The following PHACTR2 variants were observed in gnomAD, a reference collection of about 807,000 sequenced individuals.
PHACTR2 encodes chromosome 6 open reading frame 56.
A neutral mutation model predicts 76.0 loss-of-function variants in PHACTR2; 30 were observed. That is an observed-to-expected ratio of 0.39 (90% confidence interval 0.30 to 0.54). PHACTR2 has a LOEUF of 0.54. Ranked by LOEUF, PHACTR2 falls within the 20% of genes least tolerant of loss-of-function variation. The pLI, the probability that PHACTR2 is intolerant of heterozygous loss-of-function variation, is 0.61. For missense variants in PHACTR2, 696 were observed against 781.1 expected, an observed-to-expected ratio of 0.89 and a Z score of 1.30; for synonymous variants, 292 against 292.5, an observed-to-expected ratio of 1.00 and a Z score of 0.02.
At position 143,772,370 on chromosome 6, in the gene PHACTR2, T is replaced by C. The variant is rs907301236; in HGVS notation, c.1345T>C (p.Tyr449His). ...SASEDEGHRE[Y>H]QANDSDSDGP... ...CTCAGAAGATGAAGGCCACAGGGAA[T>C]ACCAAGCCAATGACTCTGACTCGGA... Residue 449 changes from tyrosine (Y) to histidine (H), a missense_variant, in exon 7 of 13, where the codon TAC becomes CAC. Coordinates refer to ENST00000440869, the MANE Select transcript of PHACTR2 (RefSeq NM_001100164.2). The surrounding 1 kb of genome is among the most constrained non-coding windows in gnomAD (Gnocchi z 5.4). The C allele has an allele frequency of 2.5e-6, 4 of 1,613,954 alleles. No homozygotes were observed. The highest frequency in any genetic ancestry group is 3.4e-6 in the Non-Finnish European group (4 of 1,179,968).
chr6:143,709,055 T>C lies in PHACTR2; in HGVS notation c.47-2961T>C, dbSNP rs1778112034. On this transcript the variant is annotated intron_variant, in intron 1 of 12. Transcript: ENST00000440869. This position sits in a 1 kb window ranked among gnomAD's most constrained non-coding sequence, Gnocchi z 4.4. ...ATGAGAGTTCAGCACAAAGTCTTCATGAAGAAGTAAAACCATACTCTCAGT... is the reference window on the plus strand; with the variant it reads ...ATGAGAGTTCAGCACAAAGTCTTCACGAAGAAGTAAAACCATACTCTCAGT... 6.6e-6 allele frequency among the ~76,000 whole-genome samples: 1 copy of C among 152,212 alleles called. No homozygotes were observed. Among genetic ancestry groups the C allele is most frequent in the South Asian group, 2.1e-4 (1 of 4,836 alleles).
chr6:143,725,521 C>T (rs980709501), intron 2 of PHACTR2, among the ~76,000 whole-genome samples: 15 of 151,698 alleles, frequency 9.9e-5, no homozygotes, highest in Admixed American at 2.6e-4. Flanking sequence ...TTTATAGTCA[C>T]GCCTTCCCAA....
rs531398704 is a variant in PHACTR2, at chr6:143,562,274, C to T, written c.217+25067C>T. On this transcript the variant is annotated intron_variant, in intron 1 of 11. Transcript: ENST00000367584. The surrounding 1 kb of genome is among the most constrained non-coding windows in gnomAD (Gnocchi z 5.1). Reference sequence around the variant, plus strand: ...TTAGCTCACAGTTCTGCAGGCTGTACAGGAAGCACGGTGCTGGCATCTGCT... The same window carrying T: ...TTAGCTCACAGTTCTGCAGGCTGTATAGGAAGCACGGTGCTGGCATCTGCT... 6.6e-6 allele frequency among the ~76,000 whole-genome samples: 1 copy of T among 152,228 alleles called. No homozygotes were observed. The highest frequency in any genetic ancestry group is 2.1e-4 in the South Asian group (1 of 4,818).
In PHACTR2 at chr6:143,678,215, T is replaced by A. The variant is rs1490347337; in HGVS notation, c.46+6T>A. The A allele has an allele frequency of 6.6e-7, 1 of 1,503,980 alleles. No individual in the cohort carries two copies. The highest frequency in any genetic ancestry group is 1.3e-5 in the South Asian group (1 of 79,918). The allele number at this position is 1,503,980 out of a possible 1,614,324, so 93.2% of individuals were successfully genotyped here. ...GTCCCCGCAGCCCGGCAGCGGTGAG[T>A]CCGGGGCGCACGCGATGCGCTCCCG... On this transcript the variant is annotated splice_donor_region_variant and intron_variant, in intron 1 of 12. Coordinates refer to ENST00000440869, the MANE Select transcript of PHACTR2 (RefSeq NM_001100164.2). This position sits in a 1 kb window ranked among gnomAD's most constrained non-coding sequence, Gnocchi z 6.2.
In PHACTR2 at chr6:143,765,452, A is replaced by G. The variant is rs376139373; in HGVS notation, c.886A>G (p.Thr296Ala). The change falls in exon 6 of 13, where the codon ACT becomes GCT. Residue 296 changes from threonine (T) to alanine (A), a missense_variant. This residue lies in a region of PHACTR2 where 460 missense variants were observed against 450.9 expected (regional missense o/e 1.02). Transcript: ENST00000440869. The surrounding 1 kb of genome is among the most constrained non-coding windows in gnomAD (Gnocchi z 4.1). ...TTCTCACCTGTCCTCAGACACAACA[A>G]CTTCTGGCACATCCGACCTGAAAGG... The part of the protein sequence containing the change: ...ITSHLSSDTT[T>A]SGTSDLKGEP... 3 of 1,614,044 alleles carry G rather than the reference A, an allele frequency of 1.9e-6. No homozygotes were observed. Among genetic ancestry groups the G allele is most frequent in the African/African-American group, 2.7e-5 (2 of 74,906 alleles).
rs923995421 is a variant in PHACTR2 at position 143,753,333 on chromosome 6, A to G, written c.296-421A>G. Among the ~76,000 whole-genome samples the G allele has an allele frequency of 6.6e-6, 1 of 152,292 alleles. No individual in the cohort carries two copies. The highest frequency in any genetic ancestry group is 2.4e-5 in the African/African-American group (1 of 41,576). On this transcript the variant is annotated intron_variant, in intron 3 of 12. Transcript: ENST00000440869. The surrounding 1 kb of genome is among the most constrained non-coding windows in gnomAD (Gnocchi z 4.6). The stretch of plus-strand genomic sequence containing the variant: ...TTGTTTGTATGTGTAATTACATTTC[A>G]TGTTATTTGTGTATTTGCATTCACC...
At chr6:143,752,059 C>G (rs1037542134) in intron 3 of PHACTR2, among the ~76,000 whole-genome samples, 4 of 152,054 alleles carry the variant, frequency 2.6e-5, no homozygotes, top group East Asian at 1.9e-4. Flanking sequence ...CTATTTCTCT[C>G]TATCATAGGA....
rs1474230789 is a variant in PHACTR2 at position 143,602,164 on chromosome 6, T to C, written c.217+64957T>C. The stretch of plus-strand genomic sequence containing the variant: ...TCACTCTCGCTCTCCCCCTCCCTAA[T>C]AGTTTTATGGTTTTGAAGTCATCTC... On this transcript the variant is annotated intron_variant, in intron 1 of 11. Transcript: ENST00000367584. The surrounding 1 kb of genome is among the most constrained non-coding windows in gnomAD (Gnocchi z 6.1). Among the ~76,000 whole-genome samples, 1 of 152,188 alleles carries C rather than the reference T, an allele frequency of 6.6e-6. No homozygotes were observed. Among genetic ancestry groups the C allele is most frequent in the Non-Finnish European group, 1.5e-5 (1 of 68,032 alleles).
In PHACTR2 at chr6:143,716,498, G is replaced by A. The variant is rs60095232; in HGVS notation, c.214+4315G>A. Among the ~76,000 whole-genome samples the A allele has an allele frequency of 8.4e-3, 1,285 of 152,214 alleles. 26 individuals carry two copies. Among genetic ancestry groups the A allele is most frequent in the African/African-American group, 0.03 (1,230 of 41,514 alleles). On this transcript the variant is annotated intron_variant, in intron 2 of 12. Coordinates refer to ENST00000440869, the MANE Select transcript of PHACTR2 (RefSeq NM_001100164.2). ...ACGCCACGATGCCCAGTTAATTTTT[G>A]TACTTTTCTGCTGTACTTTTAGTAG...
chr6:143,546,856 TC>T lies in PHACTR2; in HGVS notation c.217+9650del. On this transcript the variant is annotated intron_variant, in intron 1 of 11. Coordinates refer to the PHACTR2 transcript ENST00000367584. The surrounding 1 kb of genome is among the most constrained non-coding windows in gnomAD (Gnocchi z 4.9). ...GCCTGGGCAACATAGTGAGACCCCA[TC>T]TCAAAAAAAAAAAAAATAAAAAATA... Among the ~76,000 whole-genome samples, 3 of 93,568 alleles carry T rather than the reference TC, an allele frequency of 3.2e-5. No homozygotes were observed. Among genetic ancestry groups the T allele is most frequent in the Non-Finnish European group, 7.1e-5 (3 of 42,402 alleles). The allele number at this position is 93,568 out of a possible 152,430, so 61.4% of individuals were successfully genotyped here.
rs1776908975 is a variant in PHACTR2 at position 143,659,461 on chromosome 6, G to A, written c.13+51139G>A. Among the ~76,000 whole-genome samples the A allele has an allele frequency of 1.3e-5, 2 of 152,218 alleles. No individual in the cohort carries two copies. The highest frequency in any genetic ancestry group is 1.3e-4 in the Admixed American group (2 of 15,286). On this transcript the variant is annotated intron_variant, in intron 1 of 11. Coordinates refer to the PHACTR2 transcript ENST00000305766. The surrounding 1 kb of genome is among the most constrained non-coding windows in gnomAD (Gnocchi z 5.0). ...TGACTGAGGAAGGATACACCTGGAA[G>A]TGCATGTGGTCACTGGGCAGCACGC...
At chr6:143,628,767 G>A (rs867209393) in intron 1 of PHACTR2, among the ~76,000 whole-genome samples, 36 of 151,792 alleles carry the variant, frequency 2.4e-4, no homozygotes, top group African/African-American at 8.5e-4. Flanking sequence ...GGTGGGGGAA[G>A]AGGGAGATCA....
rs1562285866 is a variant in PHACTR2, at chr6:143,731,734, C to T, written c.215-17251C>T. Among the ~76,000 whole-genome samples the T allele has an allele frequency of 6.6e-6, 1 of 152,208 alleles. No homozygotes were observed. The highest frequency in any genetic ancestry group is 1.5e-5 in the Non-Finnish European group (1 of 68,036). On this transcript the variant is annotated intron_variant, in intron 2 of 12. Coordinates refer to ENST00000440869, the MANE Select transcript of PHACTR2 (RefSeq NM_001100164.2). The surrounding 1 kb of genome is among the most constrained non-coding windows in gnomAD (Gnocchi z 4.9). ...ATATCAGGGCAACACCAACTTTATA[C>T]AATCAGTTGGCAACTGTTCCCTCCT... is the stretch of plus-strand genomic sequence containing the variant.
Position 143,678,242 on chromosome 6 carries a change from C to T in PHACTR2, c.46+33C>T. The T allele has an allele frequency of 1.4e-6, 2 of 1,460,558 alleles. No homozygotes were observed. Among genetic ancestry groups the T allele is most frequent in the Non-Finnish European group, 1.8e-6 (2 of 1,107,730 alleles). The allele number at this position is 1,460,558 out of a possible 1,614,324, so 90.5% of individuals were successfully genotyped here. A position where few individuals can be genotyped will look rare whatever the true frequency, so the allele number is the denominator to read the frequency against. ...CGGGGCGCACGCGATGCGCTCCCGC[C>T]GCGCGGGCGCAGGGCTGGCGGCGGG... On this transcript the variant is annotated intron_variant, in intron 1 of 12. Coordinates refer to ENST00000440869, the MANE Select transcript of PHACTR2 (RefSeq NM_001100164.2). The surrounding 1 kb of genome is among the most constrained non-coding windows in gnomAD (Gnocchi z 6.2).
chr6:143,666,003 C>G (rs1229684782), intron 1 of PHACTR2, among the ~76,000 whole-genome samples: 4 of 152,014 alleles, frequency 2.6e-5, no homozygotes, highest in Non-Finnish European at 5.9e-5. Flanking sequence ...GGTATTTATC[C>G]TAATGCTATC....
At chr6:143,576,840 C>T (rs9484774) in intron 1 of PHACTR2, among the ~76,000 whole-genome samples, 91,313 of 143,236 alleles carry the variant, frequency 0.64, 28,547 homozygotes, top group Middle Eastern at 0.76. Context: ...CGTACCACTA[C>T]ACTCCAGCCT....
rs966443864 is a variant in PHACTR2, at chr6:143,639,125, T to C, written c.13+30803T>C. On this transcript the variant is annotated intron_variant, in intron 1 of 11. Transcript: ENST00000305766. This position sits in a 1 kb window ranked among gnomAD's most constrained non-coding sequence, Gnocchi z 5.0. ...ATACTTATGCATAATTTTTTAACAG[T>C]GTCCAATATTCTTCTGAATTATTTT... Among the ~76,000 whole-genome samples, 1 of 152,220 alleles carries C rather than the reference T, an allele frequency of 6.6e-6. No homozygotes were observed. Among genetic ancestry groups the C allele is most frequent in the African/African-American group, 2.4e-5 (1 of 41,454 alleles).
In PHACTR2 at chr6:143,592,955, C is replaced by T. The variant is rs141299034; in HGVS notation, c.217+55748C>T. Among the ~76,000 whole-genome samples the T allele has an allele frequency of 4.2e-4, 62 of 148,380 alleles. No homozygotes were observed. In the East Asian group the frequency reaches 0.011, roughly 27 times the overall value. On this transcript the variant is annotated intron_variant, in intron 1 of 11. Transcript: ENST00000367584. The surrounding 1 kb of genome is among the most constrained non-coding windows in gnomAD (Gnocchi z 4.0). The stretch of plus-strand genomic sequence containing the variant: ...ACTTGTGAGGGTGAGGTGGGAGGAT[C>T]GCTTGAGCCTGGGAAGTCGATACTA...
In PHACTR2 at chr6:143,618,610, G is replaced by A. The variant is rs1313067231; in HGVS notation, c.13+10288G>A. The stretch of plus-strand genomic sequence containing the variant: ...CCAGGGACTGGCAGGGGAGGCTGGG[G>A]GGGGATAGGGGTTGAATGTTTCCCT... On this transcript the variant is annotated intron_variant, in intron 1 of 11. Transcript: ENST00000305766. This position sits in a 1 kb window ranked among gnomAD's most constrained non-coding sequence, Gnocchi z 5.2. Among the ~76,000 whole-genome samples the A allele has an allele frequency of 1.3e-5, 2 of 151,884 alleles. No homozygotes were observed. Among genetic ancestry groups the A allele is most frequent in the African/African-American group, 4.8e-5 (2 of 41,316 alleles).
Sources: allele counts gnomAD v4.1 joint callset (sites outside exome capture counted in the v4.1 genomes callset), GRCh38; gene constraint gnomAD v4.1.1; regional missense constraint gnomAD v4.1.1; non-coding constraint Gnocchi (gnomAD v3.1); transcripts MANE v1.5; gene names NCBI Gene and HGNC (gene_info 2026-07-23, HGNC 2026-07-21).